The following USP14 variants were observed in gnomAD, a reference collection of about 807,000 sequenced individuals.
USP14 encodes the protein ubiquitin specific peptidase 14.
Under a neutral mutation model 76.5 loss-of-function variants are expected in USP14, and 38 were observed. The ratio of observed to expected loss-of-function variants is 0.50; its 90% CI spans 0.38 to 0.65. The LOEUF is 0.65. Among genes scored for constraint, USP14 ranks in the 30% least tolerant of loss-of-function variants. USP14 has a pLI of 0.00. For missense variants in USP14, 467 were observed against 586.5 expected (o/e 0.80, Z 2.10); for synonymous variants, 192 against 191.7 (o/e 1.00, Z -0.01).
intron 3 of USP14, among the ~76,000 whole-genome samples, chr18:170,203 C>T (rs1909403630): frequency 6.6e-6 from 1 of 152,068 alleles, no homozygotes; most frequent in Admixed American, 6.6e-5. Context: ...ATTCGGGAGG[C>T]TGAGGCAGGA....
In USP14 at chr18:179,003, T is replaced by C. The variant is rs1439274783; in HGVS notation, c.266T>C (p.Val89Ala). The change falls in exon 4 of 16, where the codon GTA becomes GCA. Residue 89 changes from valine (V) to alanine (A), a missense_variant. Val to Ala is a moderately conservative substitution (Grantham distance 64). Coordinates refer to ENST00000261601, the MANE Select transcript of USP14 (RefSeq NM_005151.4). ...GAACCCTCAGCCAAAACTGTCTTCG[T>C]AGAAGACATGACAGAAGAACAGTTA... ...PEEPSAKTVF[V>A]EDMTEEQLAS... 1 of 1,613,130 alleles carries C rather than the reference T, an allele frequency of 6.2e-7. No homozygotes were observed. Among genetic ancestry groups the C allele is most frequent in the Non-Finnish European group, 8.5e-7 (1 of 1,179,508 alleles).
At chr18:198,170 C>G in intron 9 of USP14, 38 bp downstream of exon 9, 1 of 1,498,192 alleles carries the variant, frequency 6.7e-7, no homozygotes, top group Non-Finnish European at 9.0e-7. Flanking sequence ...ATACTCATAC[C>G]TTATTAGAAT....
intron 3 of USP14, among the ~76,000 whole-genome samples, chr18:173,489 G>T (rs1402735408): frequency 6.6e-6 from 1 of 151,118 alleles, no homozygotes; most frequent in African/African-American, 2.4e-5. Flanking sequence ...TCAGCTCACC[G>T]CAACCTCCGT....
chr18:168,444 CT>C (rs888334021), intron 3 of USP14, among the ~76,000 whole-genome samples: 21 of 151,586 alleles, frequency 1.4e-4, no homozygotes, highest in African/African-American at 4.8e-4. Flanking sequence ...CAAATGACTT[CT>C]TTTTTTTGAG....
Position 158,646 on chromosome 18 carries a change from C to T in USP14, c.-53C>T, listed in dbSNP as rs1473334302. On this transcript the variant is annotated 5_prime_UTR_variant, in exon 1 of 16. Transcript: ENST00000261601. ...CTGCTCCTGGTCCCCGTCCCTTTGC[C>T]GCCCTCGTCAGGCCCAGCTCTCCTG... 8 of 1,511,158 alleles carry T rather than the reference C, an allele frequency of 5.3e-6. No individual in the cohort carries two copies. The highest frequency in any genetic ancestry group is 1.2e-5 in the South Asian group (1 of 82,158). The allele number at this position is 1,511,158 out of a possible 1,614,324, so 93.6% of individuals were successfully genotyped here.
chr18:190,504 G>A (rs1025495619), intron 5 of USP14, among the ~76,000 whole-genome samples: 12 of 152,118 alleles, frequency 7.9e-5, no homozygotes, highest in Non-Finnish European at 1.5e-5. Context: ...AGTGGATTTA[G>A]AAACACATAT....
chr18:188,804 A>G (rs1019032631), intron 5 of USP14, among the ~76,000 whole-genome samples: 3 of 151,310 alleles, frequency 2.0e-5, no homozygotes, highest in Admixed American at 6.6e-5. Flanking sequence ...CAGCCTCCCA[A>G]GTAGCTGGGA....
At chr18:198,811 G>A (rs1026985422) in intron 9 of USP14, among the ~76,000 whole-genome samples, 1 of 152,066 alleles carries the variant, frequency 6.6e-6, no homozygotes, top group Non-Finnish European at 1.5e-5. Context: ...AAAAGGGTGT[G>A]TATCAACTAT....
At chr18:163,636 G>A in intron 2 of USP14, among the ~76,000 whole-genome samples, 183 bp downstream of exon 2, 1 of 152,104 alleles carries the variant, frequency 6.6e-6, no homozygotes, top group East Asian at 1.9e-4. Context: ...TATTGTAGCT[G>A]TTTGACAACA....
intron 13 of USP14, among the ~76,000 whole-genome samples, chr18:207,758 T>A (rs934080819): frequency 6.6e-6 from 1 of 152,250 alleles, no homozygotes; most frequent in Admixed American, 6.5e-5. Flanking sequence ...ATTTTTTTCA[T>A]AATGTTTTAT....
At chr18:198,478 TACCC>T (rs1367852862) in intron 9 of USP14, among the ~76,000 whole-genome samples, 2 of 152,136 alleles carry the variant, frequency 1.3e-5, no homozygotes, top group African/African-American at 4.8e-5. Flanking sequence ...TTAGTTGATC[TACCC>T]ACCTTGGCCT....
chr18:189,193 A>G (rs1297110592), intron 5 of USP14, among the ~76,000 whole-genome samples: 1 of 151,836 alleles, frequency 6.6e-6, no homozygotes, highest in Non-Finnish European at 1.5e-5. Flanking sequence ...TTTAGTTTTC[A>G]AAGAATTGGC....
At chr18:177,913 A>G (rs1413608307) in intron 3 of USP14, among the ~76,000 whole-genome samples, 2 of 152,186 alleles carry the variant, frequency 1.3e-5, no homozygotes, top group Non-Finnish European at 2.9e-5. Flanking sequence ...TTTTTTAGTA[A>G]TAGAGAATTT....
At chr18:202,513 T>C (rs1354197500) in intron 10 of USP14, among the ~76,000 whole-genome samples, 3 of 152,224 alleles carry the variant, frequency 2.0e-5, no homozygotes, top group Non-Finnish European at 2.9e-5. Context: ...TTGGGCTCTC[T>C]TAATTTTCCT....
At chr18:163,133 A>C in intron 1 of USP14, 175 bp from the exon 2 acceptor site, 1 of 511,786 alleles carries the variant, frequency 2.0e-6, no homozygotes, top group Non-Finnish European at 3.3e-6. Flanking sequence ...ATCCAGTGAA[A>C]TTTTATTCAG....
intron 3 of USP14, among the ~76,000 whole-genome samples, chr18:173,335 T>G (rs1014243317): frequency 6.6e-6 from 1 of 151,804 alleles, no homozygotes; most frequent in Non-Finnish European, 1.5e-5. Flanking sequence ...ATGGTCTCTA[T>G]CTCCTGACCT....
intron 2 of USP14, among the ~76,000 whole-genome samples, chr18:164,237 A>G (rs1909203787): frequency 6.6e-6 from 1 of 152,092 alleles, no homozygotes; most frequent in Non-Finnish European, 1.5e-5. Context: ...AATTTTCTGT[A>G]ATGAGGTTGG....
intron 15 of USP14, 29 bp from the exon 16 acceptor site, chr18:211,104 T>G (rs201066808): frequency 3.1e-6 from 5 of 1,600,742 alleles, no homozygotes; most frequent in African/African-American, 1.3e-5. Flanking sequence ...TGCATAACAT[T>G]AATTCATCTT....
At chr18:165,280 A>G (rs1485274367) in intron 2 of USP14, among the ~76,000 whole-genome samples, 1 of 152,188 alleles carries the variant, frequency 6.6e-6, no homozygotes, top group African/African-American at 2.4e-5. Context: ...TATAGCTTTA[A>G]AAAATACTTC....
Sources: allele counts gnomAD v4.1 joint callset (sites outside exome capture counted in the v4.1 genomes callset), GRCh38; gene constraint gnomAD v4.1.1; transcripts MANE v1.5; gene names NCBI Gene and HGNC (gene_info 2026-07-23, HGNC 2026-07-21).